CFLAR: variants seen among roughly 807,000 people sequenced by gnomAD.
CFLAR encodes the protein CASP8 and FADD-like apoptosis regulator.
In CFLAR, 14 loss-of-function variants were observed where a neutral mutation model predicts 51.1. That is an observed-to-expected ratio of 0.27 (90% CI 0.18 to 0.43). CFLAR has a LOEUF of 0.43. Ranked by LOEUF, CFLAR falls within the 20% of genes least tolerant of loss-of-function variation. The pLI is 1.00. For missense variants in CFLAR, 390 were observed against 566.5 expected (o/e 0.69, Z 3.16); for synonymous variants, 210 against 211.6 (o/e 0.99, Z 0.06).
Position 201,176,287 on chromosome 2 carries a change from G to T in CFLAR, c.*12314G>T, listed in dbSNP as rs1329204737. Reference sequence around the variant, plus strand: ...CAGGTGTTTTCTATTGCGGGGGGGGGGGGCGGGCGGGGGAGCTGCCTGTCC... The same window carrying T: ...CAGGTGTTTTCTATTGCGGGGGGGGTGGGCGGGCGGGGGAGCTGCCTGTCC... On this transcript the variant is annotated 3_prime_UTR_variant, in exon 10 of 10. Coordinates refer to ENST00000309955, the MANE Select transcript of CFLAR (RefSeq NM_003879.7). 4.1e-5 allele frequency: 5 copies of T among 120,530 alleles called. No homozygotes were observed. Among genetic ancestry groups the T allele is most frequent in the Admixed American group, 3.1e-4 (4 of 12,710 alleles). The allele number at this position is 120,530 out of a possible 1,614,324, so 7.5% of individuals were successfully genotyped here. A position where few individuals can be genotyped will look rare whatever the true frequency, so the allele number is the denominator to read the frequency against.
intron 8 of CFLAR, among the ~76,000 whole-genome samples, chr2:201,157,350 A>G (rs1190372863): frequency 6.6e-6 from 1 of 152,148 alleles, no homozygotes; most frequent in African/African-American, 2.4e-5. Flanking sequence ...CATGTTGCCC[A>G]GGCTGGTCTC....
rs1005640282 is a variant in CFLAR at position 201,141,449 on chromosome 2, C to G, written c.606+1010C>G. The G allele has an allele frequency of 5.2e-6, 8 of 1,549,926 alleles. No homozygotes were observed. In the African/African-American group the frequency reaches 5.5e-5, roughly 11 times the overall value. ...TTCCATGTGATTAACATGGAACTGC[C>G]TCTACTTAATCATTCTGAATGATTA... On this transcript the variant is annotated intron_variant, in intron 5 of 9. Coordinates refer to ENST00000309955, the MANE Select transcript of CFLAR (RefSeq NM_003879.7).
rs142960904 is a variant in CFLAR at position 201,128,654 on chromosome 2, T to G, written c.-137-1075T>G. 7.6e-3 allele frequency among the ~76,000 whole-genome samples: 1,164 copies of G among 152,330 alleles called. 11 individuals carry two copies. The highest frequency in any genetic ancestry group is 0.027 in the African/African-American group (1,105 of 41,578). On this transcript the variant is annotated intron_variant, in intron 1 of 9. Transcript: ENST00000309955. Reference sequence around the variant, plus strand: ...CAGCTAGATAAATATATAAATATACTTGAACACAAATACAAAGCAACCATT... The same window carrying G: ...CAGCTAGATAAATATATAAATATACGTGAACACAAATACAAAGCAACCATT...
intron 5 of CFLAR, among the ~76,000 whole-genome samples, chr2:201,144,921 C>T (rs1246308813): frequency 1.3e-5 from 2 of 152,102 alleles, no homozygotes; most frequent in African/African-American, 2.4e-5. Flanking sequence ...GGCACCATCT[C>T]AGCTCACTGC....
chr2:201,138,505 G>A lies in CFLAR; in HGVS notation c.524-1852G>A, dbSNP rs561545004. 331 of 1,345,782 alleles carry A rather than the reference G, an allele frequency of 2.5e-4. No individual in the cohort carries two copies. Among genetic ancestry groups the A allele is most frequent in the Non-Finnish European group, 3.3e-4 (317 of 946,536 alleles). 83.4% of individuals were successfully genotyped at this position (1,345,782 alleles called of 1,614,324 possible). On this transcript the variant is annotated intron_variant, in intron 4 of 9. Transcript: ENST00000309955. This position sits in a 1 kb window ranked among gnomAD's most constrained non-coding sequence, Gnocchi z 4.0. Reference sequence around the variant, plus strand: ...CCTCACACTGCTGGAGCCACCACTAGCTTGATCCTTGGCATCATCACCTCA... The same window carrying A: ...CCTCACACTGCTGGAGCCACCACTAACTTGATCCTTGGCATCATCACCTCA...
At chr2:201,149,333 G>C in intron 7 of CFLAR, 1 of 330,212 alleles carries the variant, frequency 3.0e-6, no homozygotes, top group African/African-American at 2.1e-5. Context: ...ATACTTCCCT[G>C]AACTTTGGCT....
chr2:201,149,102 A>C (rs1940808304), intron 7 of CFLAR, 50 bp downstream of exon 7: 3 of 1,233,130 alleles, frequency 2.4e-6, no homozygotes, highest in Non-Finnish European at 2.4e-6. Flanking sequence ...AGCTGTGGAT[A>C]ACCCTGACTT....
chr2:201,120,765 T>C (rs2048121501), intron 1 of CFLAR, among the ~76,000 whole-genome samples: 1 of 152,210 alleles, frequency 6.6e-6, no homozygotes, highest in Non-Finnish European at 1.5e-5. Context: ...ACTTCCTTTT[T>C]ATCTTCCCTT....
rs59915328 is a variant in CFLAR at position 201,152,143 on chromosome 2, G to A, written c.793+2308G>A. ...ATCCCTGCCGGGAATACAGGCGCCC[G>A]CCACCATGCCTGGCTAATTTTTTGT... On this transcript the variant is annotated intron_variant, in intron 8 of 9. Coordinates refer to ENST00000309955, the MANE Select transcript of CFLAR (RefSeq NM_003879.7). Among the ~76,000 whole-genome samples the A allele has an allele frequency of 1.5e-3, 225 of 151,928 alleles. 3 individuals are homozygous for A. The East Asian group carries it at 0.028, about 19-fold the overall frequency.
chr2:201,123,267 G>A (rs954442704), intron 1 of CFLAR, among the ~76,000 whole-genome samples: 1 of 152,186 alleles, frequency 6.6e-6, no homozygotes, highest in Non-Finnish European at 1.5e-5. Context: ...ATTTGTGGGA[G>A]CTTCCTTGAG....
Position 201,130,153 on chromosome 2 carries a change from C to A in CFLAR, c.281+7C>A. The A allele has an allele frequency of 1.9e-6, 1 of 539,362 alleles. No homozygotes were observed. Among genetic ancestry groups the A allele is most frequent in the Non-Finnish European group, 3.1e-6 (1 of 324,902 alleles). The allele number at this position is 539,362 out of a possible 1,614,324, so 33.4% of individuals were successfully genotyped here. A position where few individuals can be genotyped will look rare whatever the true frequency, so the allele number is the denominator to read the frequency against. ...ACCTTGTTTCGGACTATAGGTAATT[C>A]ATCAACTCTTCCTGAGGCTGGGTGG... On this transcript the variant is annotated splice_region_variant and intron_variant, in intron 2 of 9. Coordinates refer to ENST00000309955, the MANE Select transcript of CFLAR (RefSeq NM_003879.7).
At chr2:201,161,740 T>C (rs76098771) in intron 9 of CFLAR, among the ~76,000 whole-genome samples, 437 of 1,936 alleles carry the variant, frequency 0.23, no homozygotes, top group African/African-American at 0.25. Flanking sequence ...TAATTTTTCT[T>C]TTTTTTTTTT....
Position 201,172,943 on chromosome 2 carries a change from C to G in CFLAR, c.*8970C>G, listed in dbSNP as rs1056237281. 1 of 152,186 alleles carries G rather than the reference C, an allele frequency of 6.6e-6. No individual in the cohort carries two copies. Among genetic ancestry groups the G allele is most frequent in the Non-Finnish European group, 1.5e-5 (1 of 68,036 alleles). The allele number at this position is 152,186 out of a possible 1,614,324, so 9.4% of individuals were successfully genotyped here. ...AGTGAGAGTGCTCATCATATAGTAACTCTATGTTTAGCCTTTTGAGGAACT... is the reference window on the plus strand; with the variant it reads ...AGTGAGAGTGCTCATCATATAGTAAGTCTATGTTTAGCCTTTTGAGGAACT... On this transcript the variant is annotated 3_prime_UTR_variant, in exon 10 of 10. Transcript: ENST00000309955.
At chr2:201,147,654 G>C (rs547520426) in intron 6 of CFLAR, 1 of 152,292 alleles carries the variant, frequency 6.6e-6, no homozygotes, top group Admixed American at 6.5e-5. Flanking sequence ...CGGATCACGA[G>C]GTCAGGAGTT....
At chr2:201,133,573 T>C (rs753933776) in intron 3 of CFLAR, among the ~76,000 whole-genome samples, 1 of 150,586 alleles carries the variant, frequency 6.6e-6, no homozygotes, top group South Asian at 2.1e-4. Context: ...CATGTAGGAG[T>C]GGGGTGGGGG....
At chr2:201,161,474 C>T (rs933160738) in intron 9 of CFLAR, among the ~76,000 whole-genome samples, 11 of 149,922 alleles carry the variant, frequency 7.3e-5, no homozygotes, top group East Asian at 3.9e-4. Context: ...AGTGCATTGG[C>T]GCAATCTTGG....
Position 201,160,544 on chromosome 2 carries a change from C to A in CFLAR, c.906C>A (p.His302Gln). 6.2e-7 allele frequency: 1 copy of A among 1,614,036 alleles called. No homozygotes were observed. Among genetic ancestry groups the A allele is most frequent in the Non-Finnish European group, 8.5e-7 (1 of 1,180,022 alleles). ...ILGQFACMPE[H>Q]RDYDSFVCVL... ...GCCAATTTGCCTGTATGCCCGAGCACCGAGACTACGACAGCTTTGTGTGTG... is the reference window on the plus strand; with the variant it reads ...GCCAATTTGCCTGTATGCCCGAGCAACGAGACTACGACAGCTTTGTGTGTG... The change falls in exon 9 of 10, where the codon CAC becomes CAA. Residue 302 changes from histidine to glutamine, a missense_variant. This residue lies in a region of CFLAR where 287 missense variants were observed against 363.6 expected (regional missense o/e 0.79). Transcript: ENST00000309955.
At chr2:201,128,069 G>T (rs2125648004) in intron 1 of CFLAR, among the ~76,000 whole-genome samples, 2 of 152,224 alleles carry the variant, frequency 1.3e-5, no homozygotes, top group South Asian at 4.1e-4. Context: ...AAATATGTCA[G>T]TGAATTTGTA....
rs1943363177 is a variant in CFLAR, at chr2:201,164,544, C to A, written c.*571C>A. On this transcript the variant is annotated 3_prime_UTR_variant, in exon 10 of 10. Transcript: ENST00000309955. ...GAAAGATGGAGGCCAGAAGACTACA[C>A]CAGTCTAGTCTTTCCATGTTTTGCC... 6.6e-6 allele frequency: 1 copy of A among 152,192 alleles called. No individual in the cohort carries two copies. Among genetic ancestry groups the A allele is most frequent in the Non-Finnish European group, 1.5e-5 (1 of 68,056 alleles). 9.4% of individuals were successfully genotyped at this position (152,192 alleles called of 1,614,324 possible).
Sources: allele counts gnomAD v4.1 joint callset (sites outside exome capture counted in the v4.1 genomes callset), GRCh38; gene constraint gnomAD v4.1.1; regional missense constraint gnomAD v4.1.1; non-coding constraint Gnocchi (gnomAD v3.1); transcripts MANE v1.5; gene names NCBI Gene and HGNC (gene_info 2026-07-23, HGNC 2026-07-21).